Variants in STRBP observed in about 807,000 individuals in gnomAD.
The protein encoded by STRBP is spermatid perinuclear RNA binding protein.
Under a neutral mutation model 80.1 loss-of-function variants are expected in STRBP, and 13 were observed. That is an observed-to-expected ratio of 0.16 (90% confidence interval 0.11 to 0.26). The LOEUF (loss-of-function observed/expected upper bound fraction) is 0.26, where lower values mean the gene tolerates loss of function less well. STRBP is among the 10% of genes least tolerant of loss of function. The probability of loss-of-function intolerance (pLI) is 1.00; values close to 1 mark genes in which losing one functional copy is unlikely to be tolerated. For synonymous variants in STRBP, 284 were observed against 291.2 expected, an observed-to-expected ratio of 0.98 and a Z score of 0.25; for missense variants, 485 against 815.2, an observed-to-expected ratio of 0.59 and a Z score of 4.93.
At chr9:123,234,046 A>G (rs936226113) in intron 2 of STRBP, among the ~76,000 whole-genome samples, 28 of 151,826 alleles carry the variant, frequency 1.8e-4, no homozygotes, top group African/African-American at 5.8e-4. Flanking sequence ...TAAAAATACA[A>G]AAAAATTAGC....
intron 11 of STRBP, among the ~76,000 whole-genome samples, chr9:123,150,179 G>A (rs180876294): frequency 3.5e-4 from 54 of 152,296 alleles, no homozygotes; most frequent in Admixed American, 9.2e-4. Flanking sequence ...GCAAAGGCCT[G>A]AGTGGTTGGA....
chr9:123,159,973 T>C (rs113997169), intron 8 of STRBP, among the ~76,000 whole-genome samples: 131 of 152,260 alleles, frequency 8.6e-4, no homozygotes, highest in African/African-American at 3.1e-3. Flanking sequence ...TACCGGCCTA[T>C]TGGGTAATTT....
intron 1 of STRBP, among the ~76,000 whole-genome samples, chr9:123,258,536 G>A (rs577301058): frequency 5.3e-5 from 8 of 152,216 alleles, no homozygotes; most frequent in Non-Finnish European, 1.0e-4. Context: ...AGGCGTGGTG[G>A]CTCACGCCTG....
At position 123,155,912 on chromosome 9, in the gene STRBP, T is replaced by C. The variant is rs117711521; in HGVS notation, c.1045+2100A>G. 1.0e-3 allele frequency among the ~76,000 whole-genome samples: 154 copies of C among 151,206 alleles called. No homozygotes were observed. The Middle Eastern group carries it at 0.014, about 13-fold the overall frequency. ...CTAGGTGCTAAAAGCATGAAAGTAT[T>C]GGAGAGATCATTGTATAGCCAAAGC... On this transcript the variant is annotated intron_variant, in intron 11 of 18. Coordinates refer to ENST00000348403, the MANE Select transcript of STRBP (RefSeq NM_018387.5).
At chr9:123,120,194 G>T (rs2035708271), downstream of STRBP, among the ~76,000 whole-genome samples, 1 of 151,970 alleles carries the variant, frequency 6.6e-6, no homozygotes, top group Admixed American at 6.5e-5. Flanking sequence ...CTCTGCTGTT[G>T]TTATCCATTT....
At chr9:123,237,245 G>A (rs62579004) in intron 1 of STRBP, among the ~76,000 whole-genome samples, 45 of 152,148 alleles carry the variant, frequency 3.0e-4, no homozygotes, top group Non-Finnish European at 5.4e-4. Flanking sequence ...TTACAGCTGC[G>A]GCAGAAAATT....
rs1379402279 is a variant in STRBP, at chr9:123,122,499, C to T, written c.*3098G>A. On this transcript the variant is annotated 3_prime_UTR_variant, in exon 19 of 19. Transcript: ENST00000348403. ...GCAAAATCTCTCAGTGGTTTGTTCCCCAGGCTAACAATTTGAGAGAGACTA... is the reference window on the plus strand; with the variant it reads ...GCAAAATCTCTCAGTGGTTTGTTCCTCAGGCTAACAATTTGAGAGAGACTA... 47 of 1,185,832 alleles carry T rather than the reference C, an allele frequency of 4.0e-5. No individual in the cohort carries two copies. In the South Asian group the frequency reaches 7.0e-4, roughly 18 times the overall value. The allele number at this position is 1,185,832 out of a possible 1,614,324, so 73.5% of individuals were successfully genotyped here. A position where few individuals can be genotyped will look rare whatever the true frequency, so the allele number is the denominator to read the frequency against.
chr9:123,216,151 C>T (rs1048232740), intron 2 of STRBP, among the ~76,000 whole-genome samples: 1 of 152,172 alleles, frequency 6.6e-6, no homozygotes, highest in African/African-American at 2.4e-5. Context: ...TCATCTTGAC[C>T]TGTACCGCTA....
chr9:123,179,638 T>C (rs574653622), intron 3 of STRBP, among the ~76,000 whole-genome samples: 2 of 152,090 alleles, frequency 1.3e-5, no homozygotes, highest in South Asian at 2.1e-4. Flanking sequence ...TAGCTGGGTG[T>C]CGTGGCATGC....
In STRBP at chr9:123,110,619, G is replaced by A. The variant is rs3824534; in HGVS notation, c.*85-866C>T. On this transcript the variant is annotated intron_variant and NMD_transcript_variant, in intron 3 of 3. Transcript: ENST00000471564. The surrounding 1 kb of genome is among the most constrained non-coding windows in gnomAD (Gnocchi z 4.1). ...AAGGACAACAGTAGGGAGTTCCCACGTGGACCAGCTTTCATTTTGCCTCCA... is the reference window on the plus strand; with the variant it reads ...AAGGACAACAGTAGGGAGTTCCCACATGGACCAGCTTTCATTTTGCCTCCA... 2,695 of 169,678 alleles carry A rather than the reference G, an allele frequency of 0.016. 32 individuals are homozygous for A. Among genetic ancestry groups the A allele is most frequent in the South Asian group, 0.061 (299 of 4,914 alleles). The allele number at this position is 169,678 out of a possible 1,614,324, so 10.5% of individuals were successfully genotyped here. A position where few individuals can be genotyped will look rare whatever the true frequency, so the allele number is the denominator to read the frequency against.
intron 2 of STRBP, among the ~76,000 whole-genome samples, chr9:123,218,355 CTTTTTTTTTTTTT>C (rs10689260): frequency 9.8e-6 from 1 of 102,436 alleles, no homozygotes; most frequent in Non-Finnish European, 1.8e-5. Flanking sequence ...TTAAATATGA[CTTTTTTTTTTTTT>C]TTTTTTTTTT....
At chr9:123,199,048 G>T (rs540015219) in intron 2 of STRBP, among the ~76,000 whole-genome samples, 1 of 152,108 alleles carries the variant, frequency 6.6e-6, no homozygotes, top group African/African-American at 2.4e-5. Flanking sequence ...GGGTTCAAGC[G>T]ATTCTCTTGC....
intron 2 of STRBP, among the ~76,000 whole-genome samples, chr9:123,232,599 G>C (rs2040429035): frequency 6.6e-6 from 1 of 152,162 alleles, no homozygotes; most frequent in Non-Finnish European, 1.5e-5. Context: ...CAGGAATTTG[G>C]AATGAAATTA....
intron 17 of STRBP, among the ~76,000 whole-genome samples, chr9:123,131,738 G>A (rs2036147839): frequency 6.6e-6 from 1 of 152,164 alleles, no homozygotes; most frequent in South Asian, 2.1e-4. Context: ...TAAGCTGCAT[G>A]AGAACAAAAT....
At chr9:123,230,475 T>C (rs1053252815) in intron 2 of STRBP, among the ~76,000 whole-genome samples, 4 of 152,308 alleles carry the variant, frequency 2.6e-5, no homozygotes, top group Admixed American at 1.3e-4. Context: ...TCTGGGAAGA[T>C]AGTAAGTGCT....
chr9:123,260,344 T>C (rs924700160), intron 1 of STRBP, among the ~76,000 whole-genome samples: 1 of 152,204 alleles, frequency 6.6e-6, no homozygotes, highest in Non-Finnish European at 1.5e-5. Flanking sequence ...AAGCAGCCCA[T>C]AATTCTAATT....
At chr9:123,205,108 A>C (rs1341278013) in intron 2 of STRBP, among the ~76,000 whole-genome samples, 1 of 152,026 alleles carries the variant, frequency 6.6e-6, no homozygotes, top group Admixed American at 6.5e-5. Flanking sequence ...TCTACTAAAA[A>C]TACAAAAATT....
chr9:123,137,718 A>C (rs2036420384), intron 14 of STRBP, among the ~76,000 whole-genome samples: 1 of 152,150 alleles, frequency 6.6e-6, no homozygotes, highest in Non-Finnish European at 1.5e-5. Context: ...CAAAATATTA[A>C]GTATTACATA....
chr9:123,119,202 G>A (rs371342416), downstream of STRBP, among the ~76,000 whole-genome samples: 2 of 151,952 alleles, frequency 1.3e-5, no homozygotes, highest in African/African-American at 4.8e-5. Flanking sequence ...TCCTTTCTGT[G>A]CTTTAAAGGA....
Sources: allele counts gnomAD v4.1 joint callset (sites outside exome capture counted in the v4.1 genomes callset), GRCh38; gene constraint gnomAD v4.1.1; non-coding constraint Gnocchi (gnomAD v3.1); transcripts MANE v1.5; gene names NCBI Gene and HGNC (gene_info 2026-07-23, HGNC 2026-07-21).